The following RALYL variants were observed in gnomAD, a reference collection of about 807,000 sequenced individuals.
RALYL encodes RNA-binding Raly-like protein.
A neutral mutation model predicts 35.1 loss-of-function variants in RALYL; 29 were observed. That is an observed-to-expected ratio of 0.83 (90% CI 0.61 to 1.13). The LOEUF (loss-of-function observed/expected upper bound fraction) is 1.13, where lower values mean the gene tolerates loss of function less well. Ranked by LOEUF, RALYL falls within the 50% of genes most tolerant of loss-of-function variation. RALYL has a pLI of 0.00. For missense variants in RALYL, 359 were observed against 360.4 expected, an observed-to-expected ratio of 1.00 and a Z score of 0.03; for synonymous variants, 120 against 127.6, an observed-to-expected ratio of 0.94 and a Z score of 0.40.
At chr8:84,232,023 T>C (rs1825489704) in intron 1 of RALYL, among the ~76,000 whole-genome samples, 1 of 152,162 alleles carries the variant, frequency 6.6e-6, no homozygotes, top group Non-Finnish European at 1.5e-5. Context: ...AAAAAAGGCT[T>C]TAATAAAGCC....
At chr8:84,295,379 T>C (rs1227815025) in intron 1 of RALYL, among the ~76,000 whole-genome samples, 5 of 152,160 alleles carry the variant, frequency 3.3e-5, no homozygotes, top group Non-Finnish European at 7.4e-5. Flanking sequence ...AGGAGACTCC[T>C]GCAAAAAGAG....
At chr8:84,779,399 T>G (rs989623944) in intron 3 of RALYL, among the ~76,000 whole-genome samples, 6 of 152,236 alleles carry the variant, frequency 3.9e-5, no homozygotes, top group South Asian at 2.1e-4. Context: ...TGGATTTTTT[T>G]TCACCTAGAG....
At chr8:84,317,419 G>A (rs1447458074) in intron 1 of RALYL, among the ~76,000 whole-genome samples, 1 of 152,142 alleles carries the variant, frequency 6.6e-6, no homozygotes, top group Non-Finnish European at 1.5e-5. Context: ...TCTGCATGAT[G>A]TCAAGATAGC....
At chr8:84,338,964 T>G (rs546194286) in intron 1 of RALYL, among the ~76,000 whole-genome samples, 9 of 152,154 alleles carry the variant, frequency 5.9e-5, no homozygotes, top group African/African-American at 2.2e-4. Flanking sequence ...AAACCTATTT[T>G]ATAAAGGCAT....
chr8:84,702,532 C>CTG (rs1840372571), intron 2 of RALYL, among the ~76,000 whole-genome samples: 1 of 142,096 alleles, frequency 7.0e-6, no homozygotes, highest in African/African-American at 2.7e-5. Context: ...CTCTCTCTCT[C>CTG]TCTCTCTCAC....
intron 2 of RALYL, among the ~76,000 whole-genome samples, chr8:84,729,584 T>C (rs1845715009): frequency 6.6e-6 from 1 of 152,082 alleles, no homozygotes; most frequent in South Asian, 2.1e-4. Context: ...AAAAAATTAA[T>C]GAATCCAGAA....
chr8:84,552,996 A>G (rs1417805465), intron 2 of RALYL, among the ~76,000 whole-genome samples: 1 of 152,150 alleles, frequency 6.6e-6, no homozygotes, highest in Non-Finnish European at 1.5e-5. Context: ...ACATACATAA[A>G]TGAACTAGAT....
intron 3 of RALYL, among the ~76,000 whole-genome samples, chr8:84,787,035 G>C (rs1402660713): frequency 6.6e-6 from 1 of 152,132 alleles, no homozygotes; most frequent in Non-Finnish European, 1.5e-5. Flanking sequence ...TATACTTCAA[G>C]TTCTGTGATA....
intron 1 of RALYL, among the ~76,000 whole-genome samples, chr8:84,469,153 A>G (rs948103765): frequency 6.6e-6 from 1 of 152,118 alleles, no homozygotes; most frequent in Non-Finnish European, 1.5e-5. Context: ...CTCGTCAGTC[A>G]TTCTCCATCC....
chr8:84,520,033 G>A (rs2058345690), intron 1 of RALYL, among the ~76,000 whole-genome samples: 1 of 152,188 alleles, frequency 6.6e-6, no homozygotes, highest in Admixed American at 6.5e-5. Flanking sequence ...AATCACTAAA[G>A]GAAGCTTGTT....
At chr8:84,405,675 T>G (rs546372885) in intron 1 of RALYL, among the ~76,000 whole-genome samples, 1 of 152,242 alleles carries the variant, frequency 6.6e-6, no homozygotes, top group Middle Eastern at 3.4e-3. Context: ...ATGACTTTGA[T>G]TTTCAAGTTT....
At chr8:84,813,568 C>T (rs1181038262) in intron 4 of RALYL, among the ~76,000 whole-genome samples, 1 of 152,176 alleles carries the variant, frequency 6.6e-6, no homozygotes. Flanking sequence ...ACACCTCACT[C>T]ACATTAATTT....
At chr8:84,823,851 G>C (rs1211187182) in intron 4 of RALYL, among the ~76,000 whole-genome samples, 1 of 151,420 alleles carries the variant, frequency 6.6e-6, no homozygotes. Context: ...CCTTCTATCA[G>C]AAGAGAATAC....
chr8:84,409,227 C>A (rs925904736), intron 1 of RALYL, among the ~76,000 whole-genome samples: 2 of 152,004 alleles, frequency 1.3e-5, no homozygotes, highest in Admixed American at 1.3e-4. Flanking sequence ...ATTGAGTTCT[C>A]ATTTACTCAT....
At chr8:84,437,778 C>T (rs1235303416) in intron 1 of RALYL, among the ~76,000 whole-genome samples, 1 of 151,984 alleles carries the variant, frequency 6.6e-6, no homozygotes, top group Admixed American at 6.6e-5. Flanking sequence ...AAGTGTGTGG[C>T]ACTTCTCCTT....
intron 2 of RALYL, among the ~76,000 whole-genome samples, chr8:84,678,000 G>A (rs1012896215): frequency 6.6e-6 from 1 of 152,088 alleles, no homozygotes; most frequent in South Asian, 2.1e-4. Context: ...TTCTGGATGT[G>A]TGCTTCAGAG....
At chr8:84,679,450 C>T (rs1834909244) in intron 2 of RALYL, 1 of 299,326 alleles carries the variant, frequency 3.3e-6, no homozygotes, top group South Asian at 3.4e-5. Context: ...GCAAGACACT[C>T]TGTGCTTAGG....
intron 1 of RALYL, among the ~76,000 whole-genome samples, chr8:84,242,533 A>G (rs1244300226): frequency 6.6e-6 from 1 of 152,172 alleles, no homozygotes; most frequent in Non-Finnish European, 1.5e-5. Context: ...AATAATTGTC[A>G]TTCTGACTGC....
chr8:84,549,906 AT>A (rs971130373), intron 2 of RALYL, among the ~76,000 whole-genome samples: 1 of 151,974 alleles, frequency 6.6e-6, no homozygotes, highest in Admixed American at 6.6e-5. Context: ...TTGGATTTGG[AT>A]TTTTTTTATT....
Sources: gnomAD v4.1 joint callset for allele counts (sites outside exome capture counted in the v4.1 genomes callset) on GRCh38, gnomAD v4.1.1 for gene constraint, MANE v1.5 for transcripts, NCBI Gene and HGNC (gene_info 2026-07-23, HGNC 2026-07-21) for gene names.